CUX1: variants seen among roughly 807,000 people sequenced by gnomAD.
CUX1 encodes the protein protein CASP.
CUX1 carries 31 observed loss-of-function variants against 158.8 expected under a neutral mutation model. The ratio of observed to expected loss-of-function variants is 0.20; its 90% CI spans 0.15 to 0.26. The LOEUF (loss-of-function observed/expected upper bound fraction) is 0.26. CUX1 is among the 10% of genes least tolerant of loss of function. The pLI, the probability that CUX1 is intolerant of heterozygous loss-of-function variation, is 1.00. For missense variants in CUX1, 1,589 were observed against 2,014.6 expected, an observed-to-expected ratio of 0.79 and a Z score of 4.04; for synonymous variants, 879 against 862.1, an observed-to-expected ratio of 1.02 and a Z score of -0.34.
At position 102,166,874 on chromosome 7, in the gene CUX1, C is replaced by T. The variant is rs375599770; in HGVS notation, c.724-3572C>T. 1.1e-3 allele frequency among the ~76,000 whole-genome samples: 170 copies of T among 152,256 alleles called. 1 individual carries two copies. Among genetic ancestry groups the T allele is most frequent in the African/African-American group, 3.9e-3 (161 of 41,540 alleles). On this transcript the variant is annotated intron_variant, in intron 9 of 23. Coordinates refer to ENST00000292535, the MANE Select transcript of CUX1 (RefSeq NM_181552.4). Reference sequence around the variant, plus strand: ...GCGTGAAAGTAACGAAGGCAAGCCACAAGTGATAGAAGTCTGACACCGTGA... The same window carrying T: ...GCGTGAAAGTAACGAAGGCAAGCCATAAGTGATAGAAGTCTGACACCGTGA...
At chr7:101,981,360 G>A (rs1813422967) in intron 2 of CUX1, among the ~76,000 whole-genome samples, 1 of 152,196 alleles carries the variant, frequency 6.6e-6, no homozygotes, top group Admixed American at 6.5e-5. Flanking sequence ...GAATGAAAGA[G>A]TGGCTGGCAT....
intron 2 of CUX1, among the ~76,000 whole-genome samples, chr7:101,986,255 G>A (rs370533444): frequency 3.3e-5 from 5 of 152,168 alleles, no homozygotes; most frequent in African/African-American, 4.8e-5. Context: ...ACATTTCATC[G>A]GTGAGATCAG....
intron 8 of CUX1, among the ~76,000 whole-genome samples, chr7:102,132,967 G>T (rs144080543): frequency 6.6e-6 from 1 of 152,036 alleles, no homozygotes; most frequent in African/African-American, 2.4e-5. Flanking sequence ...CACCGCACCC[G>T]GCCTTAATTT....
chr7:102,163,223 T>C (rs75792555), intron 9 of CUX1, among the ~76,000 whole-genome samples: 9,789 of 152,040 alleles, frequency 0.064, 438 homozygotes, highest in African/African-American at 0.11. Context: ...GTGGCGGCGG[T>C]GCCTATAGTA....
chr7:101,935,599 C>A (rs1165943390), intron 2 of CUX1, among the ~76,000 whole-genome samples: 1 of 152,180 alleles, frequency 6.6e-6, no homozygotes, highest in Admixed American at 6.5e-5. Context: ...CCATTTTGTT[C>A]TAAAGTAGTA....
intron 6 of CUX1, among the ~76,000 whole-genome samples, chr7:102,106,105 T>G (rs797042390): frequency 1.8e-3 from 205 of 112,326 alleles, no homozygotes; most frequent in African/African-American, 7.2e-3. Context: ...TTTTTTTTTT[T>G]GAGATGGAGT....
chr7:102,125,761 A>T (rs1452906323), intron 8 of CUX1: 2 of 151,510 alleles, frequency 1.3e-5, no homozygotes, highest in Non-Finnish European at 2.9e-5. Flanking sequence ...GAATATACAT[A>T]AATAATTTTT....
chr7:101,824,216 G>T (rs917962269), intron 1 of CUX1, among the ~76,000 whole-genome samples: 1 of 152,166 alleles, frequency 6.6e-6, no homozygotes, highest in Admixed American at 6.5e-5. Flanking sequence ...GCCCCCCCGA[G>T]TAGCTGTGAT....
intron 3 of CUX1, among the ~76,000 whole-genome samples, chr7:102,040,040 A>G (rs1343923228): frequency 1.3e-5 from 2 of 152,164 alleles, no homozygotes; most frequent in African/African-American, 4.8e-5. Context: ...TCTTCATTCA[A>G]CGCAACCTTT....
chr7:101,999,496 G>T (rs1816411741), intron 2 of CUX1, among the ~76,000 whole-genome samples: 1 of 152,162 alleles, frequency 6.6e-6, no homozygotes, highest in African/African-American at 2.4e-5. Flanking sequence ...CACCAGCTCG[G>T]TTAAGACGAC....
At chr7:102,280,342 G>C (rs1275763514) in intron 19 of CUX1, among the ~76,000 whole-genome samples, 2 of 152,204 alleles carry the variant, frequency 1.3e-5, no homozygotes, top group African/African-American at 2.4e-5. Context: ...CACCGCTTCA[G>C]TGCAATGTAG....
At position 101,911,832 on chromosome 7, in the gene CUX1, A is replaced by G. The variant is rs1156763348; in HGVS notation, c.31-4283A>G. Among the ~76,000 whole-genome samples, 7 of 152,334 alleles carry G rather than the reference A, an allele frequency of 4.6e-5. No individual in the cohort carries two copies. The East Asian group carries it at 1.3e-3, about 29-fold the overall frequency. On this transcript the variant is annotated intron_variant, in intron 1 of 23. Coordinates refer to ENST00000292535, the MANE Select transcript of CUX1 (RefSeq NM_181552.4). Reference sequence around the variant, plus strand: ...GGTGGACCGGGCCACACGGCTGCCAAGGGGCCGGCTGGGTGGGACTGAAAC... The same window carrying G: ...GGTGGACCGGGCCACACGGCTGCCAGGGGGCCGGCTGGGTGGGACTGAAAC...
At chr7:102,162,628 C>T (rs1199257700) in intron 9 of CUX1, among the ~76,000 whole-genome samples, 3 of 152,230 alleles carry the variant, frequency 2.0e-5, no homozygotes, top group Non-Finnish European at 2.9e-5. Context: ...GATCTGCCCA[C>T]CTCGGCCTCC....
intron 11 of CUX1, among the ~76,000 whole-genome samples, chr7:102,182,520 T>C (rs1554514279): frequency 6.6e-6 from 1 of 152,212 alleles, no homozygotes; most frequent in Admixed American, 6.5e-5. Context: ...GCTCTACTTT[T>C]TCAAGCAAAG....
intron 2 of CUX1, among the ~76,000 whole-genome samples, chr7:101,987,074 A>G (rs1242905497): frequency 6.6e-6 from 1 of 152,066 alleles, no homozygotes; most frequent in African/African-American, 2.4e-5. Flanking sequence ...CCTGTGCCTC[A>G]GCTCAGGCCT....
chr7:102,174,156 G>A (rs1792036109), intron 10 of CUX1, among the ~76,000 whole-genome samples: 1 of 152,154 alleles, frequency 6.6e-6, no homozygotes, highest in South Asian at 2.1e-4. Context: ...GCCCCGCTCT[G>A]TCACCCAGGG....
chr7:102,157,959 G>A (rs951244760), intron 8 of CUX1, among the ~76,000 whole-genome samples: 7 of 152,320 alleles, frequency 4.6e-5, no homozygotes, highest in South Asian at 2.1e-4. Flanking sequence ...AACCCAGGCT[G>A]TCTGCACTGC....
chr7:102,158,326 C>A (rs1410831673), intron 8 of CUX1, among the ~76,000 whole-genome samples: 1 of 152,096 alleles, frequency 6.6e-6, no homozygotes, highest in Non-Finnish European at 1.5e-5. Flanking sequence ...GAGATTGGGA[C>A]CCCATCAAAG....
At chr7:101,970,158 A>G (rs866314850) in intron 2 of CUX1, among the ~76,000 whole-genome samples, 8 of 152,130 alleles carry the variant, frequency 5.3e-5, no homozygotes, top group African/African-American at 1.9e-4. Flanking sequence ...TTAAAATTCA[A>G]ATTAGGCTTT....
Sources: allele counts gnomAD v4.1 joint callset (sites outside exome capture counted in the v4.1 genomes callset), GRCh38; gene constraint gnomAD v4.1.1; transcripts MANE v1.5; gene names NCBI Gene and HGNC (gene_info 2026-07-23, HGNC 2026-07-21).